ADAM11: variants seen among roughly 807,000 people sequenced by gnomAD.
ADAM11 encodes the protein disintegrin and metalloproteinase domain-containing protein 11.
In ADAM11, 49 loss-of-function variants were observed where a neutral mutation model predicts 119.1. The observed-to-expected ratio is 0.41, with a 90% CI of 0.33 to 0.52. The LOEUF (loss-of-function observed/expected upper bound fraction) is 0.52. Ranked by LOEUF, ADAM11 falls within the 20% of genes least tolerant of loss-of-function variation. The pLI, the probability that ADAM11 is intolerant of heterozygous loss-of-function variation, is 0.20. For synonymous variants in ADAM11, 364 were observed against 408.0 expected, an observed-to-expected ratio of 0.89 and a Z score of 1.30; for missense variants, 777 against 1,047.5, an observed-to-expected ratio of 0.74 and a Z score of 3.56.
intron 2 of ADAM11, among the ~76,000 whole-genome samples, chr17:44,763,057 G>A (rs2049408127): frequency 6.6e-6 from 1 of 152,122 alleles, no homozygotes; most frequent in Admixed American, 6.5e-5. Flanking sequence ...GATCGCTTGA[G>A]TCCAAGAGTT....
chr17:44,777,450 T>C lies in ADAM11; in HGVS notation c.1782-32T>C, dbSNP rs200070785. ...TCAGTAGTTGAGTCTGAGGTCAAAC[T>C]TGGGGCTCACTGTCTCTATATGCCC... is the stretch of plus-strand genomic sequence containing the variant. On this transcript the variant is annotated intron_variant, in intron 21 of 26. Transcript: ENST00000200557. The surrounding 1 kb of genome is among the most constrained non-coding windows in gnomAD (Gnocchi z 5.1). 3.7e-6 allele frequency: 6 copies of C among 1,610,178 alleles called. No homozygotes were observed. The highest frequency in any genetic ancestry group is 2.2e-5 in the East Asian group (1 of 44,862).
At chr17:44,774,268 C>T in intron 11 of ADAM11, 27 bp from the exon 12 acceptor site, 1 of 1,427,202 alleles carries the variant, frequency 7.0e-7, no homozygotes, top group East Asian at 2.6e-5. Flanking sequence ...GGGCAGGAGG[C>T]CATCCTGACA....
Position 44,759,278 on chromosome 17 carries a change from G to C in ADAM11, c.61+18G>C. ...CACGCCCGGTGAGTGACCCCCGCCC[G>C]GCCCCGGCGCCCCCTCCCTGCCCCC... is the stretch of plus-strand genomic sequence containing the variant. On this transcript the variant is annotated intron_variant, in intron 1 of 26. Transcript: ENST00000200557. 3 of 1,371,560 alleles carry C rather than the reference G, an allele frequency of 2.2e-6. No homozygotes were observed. Among genetic ancestry groups the C allele is most frequent in the Non-Finnish European group, 1.9e-6 (2 of 1,064,072 alleles). The allele number at this position is 1,371,560 out of a possible 1,614,324, so 85.0% of individuals were successfully genotyped here.
intron 1 of ADAM11, chr17:44,759,476 C>T (rs1271316020): frequency 2.5e-5 from 31 of 1,252,436 alleles, no homozygotes; most frequent in Non-Finnish European, 3.0e-5. Flanking sequence ...CGCCGACCGG[C>T]CAGCTCTGCA....
In ADAM11 at chr17:44,773,150, G is replaced by A; in HGVS notation, c.825+65G>A. ...CCCCCCACCCCACCACACACATTAG[G>A]GGGCACTGTCAGCCCCTGGCTCCCA... On this transcript the variant is annotated intron_variant, in intron 10 of 26. Transcript: ENST00000200557. The surrounding 1 kb of genome is among the most constrained non-coding windows in gnomAD (Gnocchi z 4.6). 1 of 1,595,360 alleles carries A rather than the reference G, an allele frequency of 6.3e-7. No individual in the cohort carries two copies. The highest frequency in any genetic ancestry group is 2.2e-5 in the East Asian group (1 of 44,666).
At chr17:44,759,370 TC>T (rs1447016098) in intron 1 of ADAM11, 110 bp downstream of exon 1, 2 of 1,268,936 alleles carry the variant, frequency 1.6e-6, no homozygotes, top group East Asian at 3.2e-5. Context: ...TGACAGCCGG[TC>T]CGGAGCGCGG....
rs2049599249 is a variant in ADAM11, at chr17:44,776,192, C to T, written c.1551C>T (p.Thr517=). Reference sequence around the variant, plus strand: ...AGTGCGACATCGCGGAGACCTGCACCGGGGACTCTAGCCAGGTCCGCCCGG... The same window carrying T: ...AGTGCGACATCGCGGAGACCTGCACTGGGGACTCTAGCCAGGTCCGCCCGG... ...VNECDIAETC[T]GDSSQCPPNL... Residue 517 remains threonine (T), a synonymous_variant, in exon 18 of 27, where the codon ACC becomes ACT. Transcript: ENST00000200557. The surrounding 1 kb of genome is among the most constrained non-coding windows in gnomAD (Gnocchi z 5.2). 1.2e-6 allele frequency: 2 copies of T among 1,613,264 alleles called. No individual in the cohort carries two copies. Among genetic ancestry groups the T allele is most frequent in the Non-Finnish European group, 8.5e-7 (1 of 1,179,920 alleles).
intron 12 of ADAM11, 52 bp downstream of exon 12, chr17:44,774,431 A>G (rs752960923): frequency 1.9e-6 from 3 of 1,578,964 alleles, no homozygotes; most frequent in Non-Finnish European, 2.6e-6. Context: ...AAGGGGCTTC[A>G]GGGGCACGAC....
intron 2 of ADAM11, among the ~76,000 whole-genome samples, chr17:44,763,727 T>TC (rs2145206722): frequency 6.6e-6 from 1 of 152,022 alleles, no homozygotes; most frequent in East Asian, 1.9e-4. Flanking sequence ...CTTTCTTTTT[T>TC]TTTTTTTAAG....
Position 44,772,806 on chromosome 17 carries a change from G to A in ADAM11, c.679-51G>A. 6.4e-7 allele frequency: 1 copy of A among 1,560,376 alleles called. No individual in the cohort carries two copies. The highest frequency in any genetic ancestry group is 8.8e-7 in the Non-Finnish European group (1 of 1,134,794). On this transcript the variant is annotated intron_variant, in intron 8 of 26. Coordinates refer to ENST00000200557, the MANE Select transcript of ADAM11 (RefSeq NM_002390.6). This position sits in a 1 kb window ranked among gnomAD's most constrained non-coding sequence, Gnocchi z 4.5. The stretch of plus-strand genomic sequence containing the variant: ...GAGTCTGTTCCTGGCTTGGCCATGA[G>A]ATCAGTCAGACATGGAAGGGACTGA...
In ADAM11 at chr17:44,771,577, C is replaced by T. The variant is rs745962413; in HGVS notation, c.382-7C>T. On this transcript the variant is annotated splice_polypyrimidine_tract_variant and splice_region_variant and intron_variant, in intron 4 of 26. Transcript: ENST00000200557. ...CCAGCGTTCTGCTCACTGTTCTGCT[C>T]CTTCAGGGGGCTGGAGACCACTGCT... is the stretch of plus-strand genomic sequence containing the variant. 2.9e-5 allele frequency: 46 copies of T among 1,610,956 alleles called. No homozygotes were observed. Among genetic ancestry groups the T allele is most frequent in the Non-Finnish European group, 3.7e-5 (44 of 1,179,458 alleles).
chr17:44,759,269 C>T lies in ADAM11; in HGVS notation c.61+9C>T, dbSNP rs752441017. 11 of 1,391,264 alleles carry T rather than the reference C, an allele frequency of 7.9e-6. No homozygotes were observed. The highest frequency in any genetic ancestry group is 1.0e-5 in the Non-Finnish European group (11 of 1,075,050). 86.2% of individuals were successfully genotyped at this position (1,391,264 alleles called of 1,614,324 possible). A position where few individuals can be genotyped will look rare whatever the true frequency, so the allele number is the denominator to read the frequency against. On this transcript the variant is annotated intron_variant, in intron 1 of 26. Coordinates refer to ENST00000200557, the MANE Select transcript of ADAM11 (RefSeq NM_002390.6). ...GCTGCTCCCCACGCCCGGTGAGTGA[C>T]CCCCGCCCGGCCCCGGCGCCCCCTC...
chr17:44,774,236 C>A, intron 11 of ADAM11, 59 bp from the exon 12 acceptor site: 1 of 1,191,248 alleles, frequency 8.4e-7, no homozygotes, highest in Non-Finnish European at 1.1e-6. Context: ...GGCCCCACCA[C>A]CACCCGGGGA....
intron 2 of ADAM11, among the ~76,000 whole-genome samples, chr17:44,764,610 G>A (rs72826869): frequency 0.022 from 3,331 of 152,288 alleles, 60 homozygotes; most frequent in Middle Eastern, 0.068. Context: ...TTTGGTGTGA[G>A]AGGCTGCACG....
chr17:44,767,858 G>A (rs1224448653), intron 2 of ADAM11, among the ~76,000 whole-genome samples: 1 of 152,230 alleles, frequency 6.6e-6, no homozygotes, highest in Non-Finnish European at 1.5e-5. Context: ...CTTGGCCTCT[G>A]CAGAGAGGAA....
At position 44,759,900 on chromosome 17, in the gene ADAM11, G is replaced by C; in HGVS notation, c.237+3G>C. On this transcript the variant is annotated splice_donor_region_variant and intron_variant, in intron 2 of 26. Coordinates refer to ENST00000200557, the MANE Select transcript of ADAM11 (RefSeq NM_002390.6). ...GCCAGGAGCCACCAGGGGGCCCGGTGAGTGGGGCTGGGTGGTGAGGCCAGG... is the reference window on the plus strand; with the variant it reads ...GCCAGGAGCCACCAGGGGGCCCGGTCAGTGGGGCTGGGTGGTGAGGCCAGG... 7.8e-7 allele frequency: 1 copy of C among 1,289,988 alleles called. No individual in the cohort carries two copies. 79.9% of individuals were successfully genotyped at this position (1,289,988 alleles called of 1,614,324 possible). A position where few individuals can be genotyped will look rare whatever the true frequency, so the allele number is the denominator to read the frequency against.
intron 2 of ADAM11, 28 bp downstream of exon 2, chr17:44,759,925 G>T: frequency 7.9e-7 from 1 of 1,265,134 alleles, no homozygotes; most frequent in Non-Finnish European, 1.0e-6. Context: ...GTGAGGCCAG[G>T]GGCTGAAGCA....
chr17:44,779,164 G>T, intron 25 of ADAM11, 58 bp from the exon 26 acceptor site: 1 of 1,564,530 alleles, frequency 6.4e-7, no homozygotes, highest in Non-Finnish European at 8.6e-7. Flanking sequence ...CTCCCTGAGA[G>T]AAGCAAAAGG....
intron 2 of ADAM11, among the ~76,000 whole-genome samples, chr17:44,765,986 A>T (rs907462925): frequency 3.9e-5 from 6 of 152,238 alleles, no homozygotes; most frequent in African/African-American, 1.4e-4. Context: ...GCCTTGCGAT[A>T]CATTTCCATT....
Sources: gnomAD v4.1 joint callset for allele counts (sites outside exome capture counted in the v4.1 genomes callset) on GRCh38, gnomAD v4.1.1 for gene constraint, Gnocchi (gnomAD v3.1) non-coding constraint, MANE v1.5 for transcripts, NCBI Gene and HGNC (gene_info 2026-07-23, HGNC 2026-07-21) for gene names.